The following MAD1L1 variants were observed in gnomAD, a reference collection of about 807,000 sequenced individuals.
MAD1L1 encodes the protein mitotic spindle assembly checkpoint protein MAD1.
MAD1L1 carries 95 observed loss-of-function variants against 96.9 expected under a neutral mutation model. The observed-to-expected ratio is 0.98, with a 90% CI of 0.83 to 1.16. The LOEUF (loss-of-function observed/expected upper bound fraction) is 1.16, where lower values mean the gene tolerates loss of function less well. Ranked by LOEUF, MAD1L1 falls within the 50% of genes most tolerant of loss-of-function variation. The probability of loss-of-function intolerance (pLI) is 0.00; values close to 1 mark genes in which losing one functional copy is unlikely to be tolerated. For missense variants in MAD1L1, 1,007 were observed against 954.4 expected, an observed-to-expected ratio of 1.06 and a Z score of -0.73; for synonymous variants, 473 against 396.6, an observed-to-expected ratio of 1.19 and a Z score of -2.29.
intron 5 of MAD1L1, among the ~76,000 whole-genome samples, chr7:2,219,697 G>GCAGGGGAGCAGAGGGC (rs1392368214): frequency 6.6e-6 from 1 of 150,760 alleles, no homozygotes; most frequent in Admixed American, 6.6e-5. Context: ...GGGAAGAGGA[G>GCAGGGGAGCAGAGGGC]CAGGGGAGCA....
At chr7:2,167,176 T>C (rs1464685990) in intron 10 of MAD1L1, among the ~76,000 whole-genome samples, 1 of 152,152 alleles carries the variant, frequency 6.6e-6, no homozygotes, top group South Asian at 2.1e-4. Flanking sequence ...GTGGGCGCAG[T>C]AGCAGGCAGG....
intron 12 of MAD1L1, among the ~76,000 whole-genome samples, chr7:2,016,936 G>A (rs1782569157): frequency 6.6e-6 from 1 of 152,228 alleles, no homozygotes; most frequent in African/African-American, 2.4e-5. Context: ...GTACCAACGC[G>A]CGGACGCCGC....
chr7:1,919,290 C>T (rs1343298425), intron 17 of MAD1L1, among the ~76,000 whole-genome samples: 1 of 152,248 alleles, frequency 6.6e-6, no homozygotes, highest in Non-Finnish European at 1.5e-5. Flanking sequence ...CTCAGGCTCC[C>T]AGGCCGTCCA....
chr7:2,021,682 T>C (rs993393117), intron 12 of MAD1L1, among the ~76,000 whole-genome samples: 2 of 151,998 alleles, frequency 1.3e-5, no homozygotes, highest in Non-Finnish European at 2.9e-5. Context: ...GGAGAATCGC[T>C]TGAACCCAGG....
At chr7:1,954,153 A>G (rs1779623934) in intron 16 of MAD1L1, among the ~76,000 whole-genome samples, 1 of 152,086 alleles carries the variant, frequency 6.6e-6, no homozygotes, top group East Asian at 1.9e-4. Flanking sequence ...AGTGTCTTGG[A>G]GGTAAGGACG....
chr7:1,915,949 A>T (rs1788360987), intron 17 of MAD1L1, among the ~76,000 whole-genome samples: 1 of 152,242 alleles, frequency 6.6e-6, no homozygotes, highest in East Asian at 1.9e-4. Context: ...TTATCAAAAG[A>T]AAGCATTGAG....
At chr7:2,047,587 T>TA (rs1783980343) in intron 12 of MAD1L1, among the ~76,000 whole-genome samples, 2 of 152,236 alleles carry the variant, frequency 1.3e-5, no homozygotes, top group African/African-American at 4.8e-5. Flanking sequence ...CTGCTGGGCT[T>TA]AATGTTCCAT....
At chr7:1,919,568 T>C (rs554967759) in intron 17 of MAD1L1, among the ~76,000 whole-genome samples, 5 of 152,374 alleles carry the variant, frequency 3.3e-5, no homozygotes, top group African/African-American at 9.6e-5. Context: ...AATGGGCTCC[T>C]GCACGGGCCC....
intron 12 of MAD1L1, among the ~76,000 whole-genome samples, chr7:2,065,762 C>T (rs1784850890): frequency 6.6e-6 from 1 of 152,188 alleles, no homozygotes; most frequent in Non-Finnish European, 1.5e-5. Context: ...TCAACTGCTC[C>T]CCCCAAGCCT....
chr7:1,979,894 C>G (rs114847773), intron 15 of MAD1L1, among the ~76,000 whole-genome samples: 1 of 152,214 alleles, frequency 6.6e-6, no homozygotes, highest in South Asian at 2.1e-4. Flanking sequence ...CCCTTCTGAG[C>G]GTCAGGGACA....
intron 11 of MAD1L1, among the ~76,000 whole-genome samples, chr7:2,110,451 C>A (rs981502799): frequency 6.6e-6 from 1 of 152,210 alleles, no homozygotes; most frequent in Admixed American, 6.5e-5. Context: ...CACCTCCTCT[C>A]CTGTGAAGCA....
chr7:1,980,491 C>T lies in MAD1L1; in HGVS notation c.1467G>A (p.Gln489=), dbSNP rs371861502. The part of the protein sequence containing the change: ...MLKSQSSSAE[Q]SFLFSREEAD... ...CCTCCTCCCTGGAGAACAGGAAGCT[C>T]TGTTCGGCAGAGCTGGACTGAGACT... Residue 489 remains glutamine, a synonymous_variant, in exon 15 of 19, where the codon CAG becomes CAA. Coordinates refer to ENST00000265854, the MANE Select transcript of MAD1L1 (RefSeq NM_001013836.2). 1.2e-6 allele frequency: 2 copies of T among 1,600,434 alleles called. No homozygotes were observed. The highest frequency in any genetic ancestry group is 2.9e-5 in the African/African-American group (2 of 69,404).
At chr7:1,916,413 G>A (rs1433393880) in intron 17 of MAD1L1, among the ~76,000 whole-genome samples, 1 of 152,192 alleles carries the variant, frequency 6.6e-6, no homozygotes. Flanking sequence ...TCTGTGCTAG[G>A]CAGCACGCTG....
chr7:1,972,952 A>G (rs1029439956), intron 15 of MAD1L1, among the ~76,000 whole-genome samples: 2 of 152,188 alleles, frequency 1.3e-5, no homozygotes, highest in African/African-American at 4.8e-5. Flanking sequence ...TAATGCTTAG[A>G]GACTTCCCTG....
chr7:2,080,932 C>T (rs1785609708), intron 11 of MAD1L1, among the ~76,000 whole-genome samples: 1 of 152,200 alleles, frequency 6.6e-6, no homozygotes, highest in South Asian at 2.1e-4. Context: ...GTGGCCTGCA[C>T]TTTGTGACAT....
intron 11 of MAD1L1, among the ~76,000 whole-genome samples, chr7:2,097,638 C>A (rs1786563038): frequency 6.6e-6 from 1 of 152,214 alleles, no homozygotes; most frequent in African/African-American, 2.4e-5. Flanking sequence ...CCCACAGCCA[C>A]AGCCGGCCAT....
intron 18 of MAD1L1, among the ~76,000 whole-genome samples, chr7:1,851,019 C>A (rs1211451292): frequency 6.6e-6 from 1 of 152,210 alleles, no homozygotes. Flanking sequence ...GCTTCTGTGA[C>A]CCTGCGTCCA....
At chr7:2,186,324 G>C (rs1289991787) in intron 10 of MAD1L1, among the ~76,000 whole-genome samples, 1 of 152,172 alleles carries the variant, frequency 6.6e-6, no homozygotes, top group African/African-American at 2.4e-5. Context: ...ATGCTAATAA[G>C]GAAATAGTTA....
intron 12 of MAD1L1, among the ~76,000 whole-genome samples, chr7:2,039,303 T>G (rs919272995): frequency 6.6e-6 from 1 of 152,230 alleles, no homozygotes; most frequent in Admixed American, 6.5e-5. Context: ...TTTTTGGCCA[T>G]TATGCAAAAG....
Sources: allele counts gnomAD v4.1 joint callset (sites outside exome capture counted in the v4.1 genomes callset), GRCh38; gene constraint gnomAD v4.1.1; transcripts MANE v1.5; gene names NCBI Gene and HGNC (gene_info 2026-07-23, HGNC 2026-07-21).